Variants in SMOC2 observed in about 807,000 individuals in gnomAD.
The protein encoded by SMOC2 is SPARC related modular calcium binding 2, also known as SPARC-related modular calcium-binding protein 2.
SMOC2 carries 39 observed loss-of-function variants against 61.4 expected under a neutral mutation model. The ratio of observed to expected loss-of-function variants is 0.64; its 90% CI spans 0.49 to 0.83. The LOEUF is 0.83. Ranked by LOEUF, SMOC2 falls within the 40% of genes least tolerant of loss-of-function variation. SMOC2 has a pLI of 0.00. For synonymous variants in SMOC2, 247 were observed against 239.9 expected (o/e 1.03, Z -0.27); for missense variants, 556 against 592.9 (o/e 0.94, Z 0.65).
At chr6:168,494,463 GCCGAAA>G (rs1782543041) in intron 1 of SMOC2, among the ~76,000 whole-genome samples, 1 of 152,184 alleles carries the variant, frequency 6.6e-6, no homozygotes, top group African/African-American at 2.4e-5. Flanking sequence ...CTTGGCTTTA[GCCGAAA>G]CACTTTACTA....
At chr6:168,627,568 A>T (rs1786446980) in intron 9 of SMOC2, among the ~76,000 whole-genome samples, 1 of 152,180 alleles carries the variant, frequency 6.6e-6, no homozygotes. Context: ...ATGTGATCCA[A>T]TTCAAACAAG....
At chr6:168,585,597 G>C (rs2115165338) in intron 7 of SMOC2, among the ~76,000 whole-genome samples, 1 of 152,328 alleles carries the variant, frequency 6.6e-6, no homozygotes, top group East Asian at 1.9e-4. Flanking sequence ...TTCCAGAGTA[G>C]CCCCAGCATT....
chr6:168,519,811 A>G (rs1489048931), intron 2 of SMOC2, among the ~76,000 whole-genome samples: 1 of 152,148 alleles, frequency 6.6e-6, no homozygotes, highest in Non-Finnish European at 1.5e-5. Flanking sequence ...GATGGGCATG[A>G]TCTGTGGTTT....
At chr6:168,441,494 C>A (rs982879958) in intron 1 of SMOC2, 40 bp downstream of exon 1, 1 of 1,462,640 alleles carries the variant, frequency 6.8e-7, no homozygotes, top group Non-Finnish European at 9.0e-7. Context: ...CAAGTGGTGC[C>A]GCCTCTTGCA....
chr6:168,560,542 T>C (rs1784388488), intron 7 of SMOC2, among the ~76,000 whole-genome samples: 1 of 143,444 alleles, frequency 7.0e-6, no homozygotes, highest in Non-Finnish European at 1.5e-5. Flanking sequence ...GGTGTCATTT[T>C]CCTGCCCTGA....
intron 9 of SMOC2, among the ~76,000 whole-genome samples, chr6:168,615,926 A>G (rs1786077092): frequency 6.6e-6 from 1 of 152,248 alleles, no homozygotes; most frequent in African/African-American, 2.4e-5. Context: ...CTGAGAGAGC[A>G]TAAAATGAAC....
chr6:168,558,352 G>A (rs1448311573), intron 7 of SMOC2, among the ~76,000 whole-genome samples: 1 of 152,102 alleles, frequency 6.6e-6, no homozygotes, highest in Non-Finnish European at 1.5e-5. Flanking sequence ...TCTGCACAAG[G>A]GAACACAGTG....
chr6:168,453,424 A>G lies in SMOC2; in HGVS notation c.84+11970A>G, dbSNP rs916512180. Among the ~76,000 whole-genome samples, 4 of 152,198 alleles carry G rather than the reference A, an allele frequency of 2.6e-5. No homozygotes were observed. The highest frequency in any genetic ancestry group is 9.7e-5 in the African/African-American group (4 of 41,446). On this transcript the variant is annotated intron_variant, in intron 1 of 12. Coordinates refer to ENST00000356284, the MANE Select transcript of SMOC2 (RefSeq NM_001166412.2). The surrounding 1 kb of genome is among the most constrained non-coding windows in gnomAD (Gnocchi z 4.4). ...CCCTGGCAAAGCCAAGTGGAGAGTT[A>G]GAGGCTAGGCTCTCTCTTTCTCTCT...
chr6:168,511,746 G>A (rs1783013069), intron 2 of SMOC2, among the ~76,000 whole-genome samples: 1 of 151,488 alleles, frequency 6.6e-6, no homozygotes, highest in Non-Finnish European at 1.5e-5. Context: ...CGGATTTAAA[G>A]GCCAGACTCC....
intron 5 of SMOC2, 170 bp from the exon 6 acceptor site, chr6:168,546,949 C>T (rs1229821086): frequency 1.3e-6 from 1 of 772,586 alleles, no homozygotes. Flanking sequence ...CTGGTATAGT[C>T]ATTCCAGCCG....
At chr6:168,549,020 T>C (rs901642075) in intron 6 of SMOC2, 109 bp from the exon 7 acceptor site, 3 of 791,066 alleles carry the variant, frequency 3.8e-6, no homozygotes, top group Non-Finnish European at 6.8e-6. Context: ...ACAATGTGTG[T>C]TATGTTGATT....
intron 1 of SMOC2, among the ~76,000 whole-genome samples, chr6:168,464,186 C>CAA (rs61434310): frequency 0.45 from 50,745 of 112,104 alleles, 12,215 homozygotes; most frequent in Admixed American, 0.57. Context: ...GCAAGACTGT[C>CAA]AAAAAAAAAA....
At chr6:168,583,565 C>T (rs112587590) in intron 7 of SMOC2, among the ~76,000 whole-genome samples, 2 of 152,196 alleles carry the variant, frequency 1.3e-5, no homozygotes, top group Non-Finnish European at 2.9e-5. Context: ...CCCCCTGTCT[C>T]TCATCTTCCT....
At chr6:168,582,104 A>G (rs571908168) in intron 7 of SMOC2, among the ~76,000 whole-genome samples, 2 of 152,352 alleles carry the variant, frequency 1.3e-5, no homozygotes, top group East Asian at 3.9e-4. Flanking sequence ...TCAACACAGC[A>G]CCAGGTTCCA....
rs191174485 is a variant in SMOC2 at position 168,574,862 on chromosome 6, C to T, written c.638-23956C>T. On this transcript the variant is annotated intron_variant, in intron 7 of 12. Coordinates refer to ENST00000356284, the MANE Select transcript of SMOC2 (RefSeq NM_001166412.2). ...TAGGCACAGAGGGTGACATGGGGGC[C>T]GGCCACCGCCCTTTGCATGAACCAG... Among the ~76,000 whole-genome samples, 100 of 152,308 alleles carry T rather than the reference C, an allele frequency of 6.6e-4. 2 individuals carry two copies. The East Asian group carries it at 0.016, about 24-fold the overall frequency.
intron 9 of SMOC2, among the ~76,000 whole-genome samples, chr6:168,643,799 C>G (rs1379048274): frequency 6.6e-6 from 1 of 152,230 alleles, no homozygotes; most frequent in Non-Finnish European, 1.5e-5. Context: ...CAGTTTCTCC[C>G]TCAGACACTG....
At chr6:168,600,626 C>T (rs779289624) in intron 8 of SMOC2, among the ~76,000 whole-genome samples, 10 of 152,246 alleles carry the variant, frequency 6.6e-5, no homozygotes, top group East Asian at 1.9e-4. Context: ...AGGGTGGAAA[C>T]GTGGACGGCA....
chr6:168,642,337 G>A (rs966514034), intron 9 of SMOC2, among the ~76,000 whole-genome samples: 2 of 152,228 alleles, frequency 1.3e-5, no homozygotes, highest in African/African-American at 2.4e-5. Context: ...AGTTGGCTAC[G>A]TTGGATTGGC....
chr6:168,628,283 G>A (rs576714422), intron 9 of SMOC2, among the ~76,000 whole-genome samples: 16 of 152,108 alleles, frequency 1.1e-4, no homozygotes, highest in African/African-American at 2.2e-4. Context: ...GTAACATCCC[G>A]TTGTCCTCTG....
Sources: allele counts gnomAD v4.1 joint callset (sites outside exome capture counted in the v4.1 genomes callset), GRCh38; gene constraint gnomAD v4.1.1; non-coding constraint Gnocchi (gnomAD v3.1); transcripts MANE v1.5; gene names NCBI Gene and HGNC (gene_info 2026-07-23, HGNC 2026-07-21).